Variants in HADHB observed in about 807,000 individuals in gnomAD.
HADHB encodes the protein hydroxyacyl-CoA dehydrogenase trifunctional multienzyme complex subunit beta, also known as trifunctional enzyme subunit beta, mitochondrial.
Under a neutral mutation model 61.9 loss-of-function variants are expected in HADHB, and 50 were observed. The ratio of observed to expected loss-of-function variants is 0.81; its 90% confidence interval spans 0.64 to 1.02. The LOEUF is 1.02. Among genes scored for constraint, HADHB ranks in the 50% least tolerant of loss-of-function variants. The pLI is 0.00. For synonymous variants in HADHB, 191 were observed against 201.6 expected (o/e 0.95, Z 0.45); for missense variants, 504 against 586.5 (o/e 0.86, Z 1.45).
intron 3 of HADHB, among the ~76,000 whole-genome samples, chr2:26,260,143 A>G (rs543009948): frequency 3.8e-4 from 54 of 143,502 alleles, no homozygotes; most frequent in East Asian, 1.6e-3. Flanking sequence ...GTGCAGTGGC[A>G]TGATCTCAGC....
chr2:26,263,330 A>T, intron 3 of HADHB, 50 bp from the exon 4 acceptor site: 3 of 1,051,218 alleles, frequency 2.9e-6, no homozygotes, highest in Non-Finnish European at 4.4e-6. Context: ...AAGTCATCAG[A>T]CTTTATATAT....
At chr2:26,274,517 G>T (rs13023977) in intron 6 of HADHB, among the ~76,000 whole-genome samples, 1 of 152,174 alleles carries the variant, frequency 6.6e-6, no homozygotes, top group Non-Finnish European at 1.5e-5. Flanking sequence ...TATTTGTTCT[G>T]TTCCACCTCT....
chr2:26,280,198 G>A (rs761366729), intron 10 of HADHB, 83 bp downstream of exon 10: 13 of 1,106,250 alleles, frequency 1.2e-5, no homozygotes, highest in Non-Finnish European at 1.4e-5. Context: ...AACTTTTTGT[G>A]TGTGTTATGA....
chr2:26,284,233 G>A, intron 13 of HADHB, 29 bp downstream of exon 13: 1 of 1,126,436 alleles, frequency 8.9e-7, no homozygotes, highest in Non-Finnish European at 1.4e-6. Flanking sequence ...ACATATGAAG[G>A]GACTATAGTC....
intron 1 of HADHB, among the ~76,000 whole-genome samples, chr2:26,252,092 A>T (rs1341199385): frequency 1.3e-5 from 2 of 152,208 alleles, no homozygotes; most frequent in Non-Finnish European, 2.9e-5. Context: ...TCACCACAGG[A>T]GCCTCTTCAT....
At chr2:26,264,882 C>T (rs751427781) in intron 4 of HADHB, among the ~76,000 whole-genome samples, 13 of 151,252 alleles carry the variant, frequency 8.6e-5, no homozygotes, top group Non-Finnish European at 1.9e-4. Context: ...CCCAGCTACT[C>T]GAGACACTAA....
At chr2:26,254,104 T>A (rs181150958) in intron 1 of HADHB, 143 bp from the exon 2 acceptor site, 2 of 624,260 alleles carry the variant, frequency 3.2e-6, no homozygotes, top group Admixed American at 2.6e-5. Flanking sequence ...CATAATAATA[T>A]TATTAGATGA....
At chr2:26,255,511 A>AG (rs1671573214) in intron 3 of HADHB, among the ~76,000 whole-genome samples, 3 of 151,594 alleles carry the variant, frequency 2.0e-5, no homozygotes, top group Non-Finnish European at 2.9e-5. Flanking sequence ...AAAAAAAAAA[A>AG]AAAGAAAGAA....
At chr2:26,258,043 T>G (rs994956087) in intron 3 of HADHB, among the ~76,000 whole-genome samples, 2 of 152,052 alleles carry the variant, frequency 1.3e-5, no homozygotes, top group African/African-American at 4.8e-5. Flanking sequence ...TCTTCCAACT[T>G]GTTCCCAGAA....
At chr2:26,272,710 A>T (rs988971224) in intron 5 of HADHB, among the ~76,000 whole-genome samples, 13 of 152,106 alleles carry the variant, frequency 8.5e-5, no homozygotes, top group African/African-American at 3.1e-4. Context: ...ATGGAAATTC[A>T]CTTTGTACTT....
chr2:26,289,640 AATAT>A (rs891267588), intron 15 of HADHB, among the ~76,000 whole-genome samples: 1 of 152,142 alleles, frequency 6.6e-6, no homozygotes, highest in Admixed American at 6.6e-5. Context: ...AATGTATATA[AATAT>A]ATATGTGTGT....
At chr2:26,253,905 A>AAATAAAT (rs1558341660) in intron 1 of HADHB, among the ~76,000 whole-genome samples, 11 of 108,550 alleles carry the variant, frequency 1.0e-4, no homozygotes, top group Non-Finnish European at 1.5e-4. Flanking sequence ...AATAAATAAA[A>AAATAAAT]ATTCCAGCTC....
chr2:26,263,208 A>C (rs1574650304), intron 3 of HADHB, among the ~76,000 whole-genome samples, 172 bp from the exon 4 acceptor site: 1 of 151,776 alleles, frequency 6.6e-6, no homozygotes, highest in East Asian at 1.9e-4. Context: ...TTGAGGCAGG[A>C]GAATTGCTTG....
At chr2:26,251,322 G>A (rs192385803) in intron 1 of HADHB, among the ~76,000 whole-genome samples, 33 of 151,962 alleles carry the variant, frequency 2.2e-4, no homozygotes, top group Non-Finnish European at 4.0e-4. Flanking sequence ...GAGTAGCTGC[G>A]ACTACAGGCA....
At chr2:26,271,101 T>C (rs1404718462) in intron 5 of HADHB, among the ~76,000 whole-genome samples, 2 of 150,720 alleles carry the variant, frequency 1.3e-5, no homozygotes, top group Admixed American at 6.6e-5. Flanking sequence ...TTCACTGTGT[T>C]AGCCAGGATG....
chr2:26,282,246 T>A (rs1672821385), intron 10 of HADHB, among the ~76,000 whole-genome samples: 1 of 148,424 alleles, frequency 6.7e-6, no homozygotes, highest in African/African-American at 2.5e-5. Flanking sequence ...TATGAGCAGT[T>A]CTTTCTTTTT....
intron 4 of HADHB, among the ~76,000 whole-genome samples, chr2:26,268,442 T>C (rs1467190005): frequency 1.3e-5 from 2 of 152,218 alleles, no homozygotes; most frequent in Non-Finnish European, 2.9e-5. Flanking sequence ...GAAAAAATAG[T>C]AACTTTATAG....
chr2:26,268,004 T>G (rs1047068160), intron 4 of HADHB, among the ~76,000 whole-genome samples: 2 of 151,964 alleles, frequency 1.3e-5, no homozygotes, highest in African/African-American at 4.8e-5. Context: ...TAGCTGGGTG[T>G]GGTAGCAGAC....
chr2:26,278,270 C>T (rs535383136), intron 7 of HADHB, among the ~76,000 whole-genome samples: 1 of 152,368 alleles, frequency 6.6e-6, no homozygotes, highest in African/African-American at 2.4e-5. Flanking sequence ...TTAACATTCT[C>T]TTTATAGGAT....
Sources: gnomAD v4.1 joint callset for allele counts (sites outside exome capture counted in the v4.1 genomes callset) on GRCh38, gnomAD v4.1.1 for gene constraint, MANE v1.5 for transcripts, NCBI Gene and HGNC (gene_info 2026-07-23, HGNC 2026-07-21) for gene names.